The following ZMIZ2 variants were observed in gnomAD, a reference collection of about 807,000 sequenced individuals.
ZMIZ2 encodes zinc finger MIZ-type containing 2.
In ZMIZ2, 26 loss-of-function variants were observed where a neutral mutation model predicts 93.9. The ratio of observed to expected loss-of-function variants is 0.28; its 90% CI spans 0.20 to 0.38. The LOEUF is 0.38. Ranked by LOEUF, ZMIZ2 falls within the 10% of genes least tolerant of loss-of-function variation. The pLI is 1.00. For missense variants in ZMIZ2, 1,023 were observed against 1,235.0 expected, an observed-to-expected ratio of 0.83 and a Z score of 2.57; for synonymous variants, 485 against 516.4, an observed-to-expected ratio of 0.94 and a Z score of 0.82.
At chr7:44,756,345 G>T in intron 2 of ZMIZ2, 46 bp downstream of exon 2, 1 of 1,613,972 alleles carries the variant, frequency 6.2e-7, no homozygotes, top group Non-Finnish European at 8.5e-7. Flanking sequence ...TGGGGTTGGG[G>T]GTGGCATTTC....
intron 11 of ZMIZ2, among the ~76,000 whole-genome samples, chr7:44,762,591 T>G (rs1035642639): frequency 6.6e-6 from 1 of 152,204 alleles, no homozygotes; most frequent in African/African-American, 2.4e-5. Flanking sequence ...GTGATTCTCT[T>G]CATGGAGAAG....
intron 4 of ZMIZ2, 99 bp from the exon 5 acceptor site, chr7:44,757,279 G>A: frequency 1.8e-5 from 28 of 1,522,906 alleles, no homozygotes; most frequent in Non-Finnish European, 2.5e-5. Flanking sequence ...GGTCTAGAAA[G>A]AATGGGCTCC....
At chr7:44,757,801 C>T in intron 5 of ZMIZ2, 47 bp from the exon 6 acceptor site, 1 of 1,512,096 alleles carries the variant, frequency 6.6e-7, no homozygotes, top group Non-Finnish European at 8.8e-7. Flanking sequence ...TCTTTTGGAG[C>T]CCTTTGTGGG....
intron 11 of ZMIZ2, 136 bp downstream of exon 11, chr7:44,762,041 C>A: frequency 1.7e-6 from 2 of 1,177,412 alleles, no homozygotes; most frequent in Non-Finnish European, 2.2e-6. Context: ...GGAGCCAGGA[C>A]ATGGGCGGGC....
intron 1 of ZMIZ2, among the ~76,000 whole-genome samples, chr7:44,752,521 T>C (rs1449707252): frequency 6.6e-6 from 1 of 152,212 alleles, no homozygotes; most frequent in Non-Finnish European, 1.5e-5. Flanking sequence ...CCTTTCTCTT[T>C]ACCCCCACAT....
chr7:44,760,042 C>T, intron 7 of ZMIZ2, 109 bp from the exon 8 acceptor site: 1 of 1,098,586 alleles, frequency 9.1e-7, no homozygotes, highest in Non-Finnish European at 1.4e-6. Context: ...TTGGAAAATA[C>T]AAGAGAGTGT....
chr7:44,761,312 GCAGTGCCTGA>G lies in ZMIZ2; in HGVS notation c.1241-133_1241-124del, dbSNP rs1791151394. On this transcript the variant is annotated intron_variant, in intron 9 of 18. Coordinates refer to ENST00000309315, the MANE Select transcript of ZMIZ2 (RefSeq NM_031449.4). The surrounding 1 kb of genome is among the most constrained non-coding windows in gnomAD (Gnocchi z 5.8). ...CCAGGGCACCACTCAGGCCTGCCAA[GCAGTGCCTGA>G]CAGGAGGGGCTCCCTTCACCAAGGT... The G allele has an allele frequency of 3.6e-6, 5 of 1,389,620 alleles. No homozygotes were observed. The highest frequency in any genetic ancestry group is 2.5e-4 in the Middle Eastern group (1 of 4,044). The allele number at this position is 1,389,620 out of a possible 1,614,324, so 86.1% of individuals were successfully genotyped here.
chr7:44,749,058 A>G (rs6962280), intron 1 of ZMIZ2, 67 bp downstream of exon 1: 90,631 of 152,302 alleles, frequency 0.6, 27,539 homozygotes, highest in East Asian at 0.81. Flanking sequence ...CGGCGGGGGC[A>G]GGCAGGTGCG....
rs773339056 is a variant in ZMIZ2, at chr7:44,763,374, C to T, written c.1821C>T (p.Ile607=). The change falls in exon 13 of 19, where the codon ATC becomes ATT. Residue 607 remains isoleucine, a synonymous_variant. Coordinates refer to ENST00000309315, the MANE Select transcript of ZMIZ2 (RefSeq NM_031449.4). This position sits in a 1 kb window ranked among gnomAD's most constrained non-coding sequence, Gnocchi z 5.6. ...SLKCPITFRR[I]QLPARGHDCR... is the part of the protein sequence containing the mutation. ...AGTGCCCCATCACCTTCCGCAGGAT[C>T]CAGCTCCCTGCCCGAGGTCATGACT... 2 of 1,614,130 alleles carry T rather than the reference C, an allele frequency of 1.2e-6. No homozygotes were observed. The highest frequency in any genetic ancestry group is 2.2e-5 in the East Asian group (1 of 44,884).
In ZMIZ2 at chr7:44,761,785, T is replaced by C; in HGVS notation, c.1476T>C (p.Asn492=). 6.2e-7 allele frequency: 1 copy of C among 1,613,742 alleles called. No individual in the cohort carries two copies. The highest frequency in any genetic ancestry group is 8.5e-7 in the Non-Finnish European group (1 of 1,179,932). ...NWPASVQVSV[N]ATPLTIERGD... The stretch of plus-strand genomic sequence containing the variant: ...CAGCCTCGGTGCAGGTCAGCGTCAA[T>C]GCCACGCCGCTCACCATCGAGCGTG... Residue 492 remains asparagine (N), a synonymous_variant, in exon 11 of 19, where the codon AAT becomes AAC. Transcript: ENST00000309315. The surrounding 1 kb of genome is among the most constrained non-coding windows in gnomAD (Gnocchi z 5.8).
rs747772557 is a variant in ZMIZ2 at position 44,766,243 on chromosome 7, C to A, written c.2322C>A (p.Phe774Leu). Residue 774 changes from phenylalanine (F) to leucine (L), a missense_variant, in exon 17 of 19, where the codon TTC (phenylalanine) becomes TTA (leucine). By Grantham distance (22) the Phe-to-Leu change is conservative (BLOSUM62 0). Transcript: ENST00000309315. The surrounding 1 kb of genome is among the most constrained non-coding windows in gnomAD (Gnocchi z 4.4). ...TTPSTPTLAEFTPGPPPISYQ... is the reference protein window; with the variant it reads ...TTPSTPTLAELTPGPPPISYQ... Reference sequence around the variant, plus strand: ...CCAGCACCCCAACCCTTGCTGAGTTCACCCCGGGACCACCCCCCATCTCCT... The same window carrying A: ...CCAGCACCCCAACCCTTGCTGAGTTAACCCCGGGACCACCCCCCATCTCCT... 1.4e-6 allele frequency: 2 copies of A among 1,389,176 alleles called. No individual in the cohort carries two copies. Among genetic ancestry groups the A allele is most frequent in the African/African-American group, 2.9e-5 (2 of 68,124 alleles). The allele number at this position is 1,389,176 out of a possible 1,614,324, so 86.1% of individuals were successfully genotyped here.
Position 44,757,144 on chromosome 7 carries a change from C to T in ZMIZ2, c.363C>T (p.Thr121=), listed in dbSNP as rs1256277126. The T allele has an allele frequency of 6.3e-7, 1 of 1,596,318 alleles. No homozygotes were observed. Among genetic ancestry groups the T allele is most frequent in the Non-Finnish European group, 8.5e-7 (1 of 1,176,354 alleles). The change falls in exon 4 of 19, where the codon ACC becomes ACT. Residue 121 remains threonine (T), a synonymous_variant. Transcript: ENST00000309315. The part of the protein sequence containing the change: ...RGGYPGAPGF[T]TGYAGGPGGL... ...GCTACCCTGGGGCCCCCGGCTTCAC[C>T]ACCGGGTAAGCAAGTTCCCTCACCT... is the stretch of plus-strand genomic sequence containing the variant.
Position 44,761,614 on chromosome 7 carries a change from A to G in ZMIZ2, c.1385+21A>G. 6.2e-7 allele frequency: 1 copy of G among 1,613,244 alleles called. No individual in the cohort carries two copies. Among genetic ancestry groups the G allele is most frequent in the Non-Finnish European group, 8.5e-7 (1 of 1,179,676 alleles). On this transcript the variant is annotated intron_variant, in intron 10 of 18. Coordinates refer to ENST00000309315, the MANE Select transcript of ZMIZ2 (RefSeq NM_031449.4). The surrounding 1 kb of genome is among the most constrained non-coding windows in gnomAD (Gnocchi z 5.8). ...ATGAGGTGAGCTCCGCCTGGCCCCC[A>G]CCTGACCCCCACGAGGCTCTGTTCC...
chr7:44,756,821 ATACCCTGTCCCCC>A, intron 3 of ZMIZ2, 113 bp from the exon 4 acceptor site: 1 of 1,170,224 alleles, frequency 8.5e-7, no homozygotes, highest in Non-Finnish European at 1.2e-6. Flanking sequence ...TTCCCGTGCT[ATACCCTGTCCCCC>A]CCACCTCTCC....
At chr7:44,751,537 C>G (rs1208151557) in intron 1 of ZMIZ2, among the ~76,000 whole-genome samples, 1 of 152,270 alleles carries the variant, frequency 6.6e-6, no homozygotes, top group East Asian at 1.9e-4. Flanking sequence ...GATTCCCTCT[C>G]TGTTCTTGGG....
intron 5 of ZMIZ2, 102 bp downstream of exon 5, chr7:44,757,663 C>T: frequency 6.8e-7 from 1 of 1,465,030 alleles, no homozygotes; most frequent in Admixed American, 2.6e-5. Context: ...ATGGAATATG[C>T]CAGGGCTCAT....
rs199842392 is a variant in ZMIZ2, at chr7:44,766,560, C to T, written c.2552C>T (p.Ala851Val). 8.6e-4 allele frequency: 1,394 copies of T among 1,613,920 alleles called. 15 individuals are homozygous for T. The Admixed American group carries it at 0.019, about 22-fold the overall frequency. Residue 851 changes from alanine (A) to valine (V), a missense_variant, in exon 18 of 19, where the codon GCG becomes GTG. This residue lies in a region of ZMIZ2 where 319 missense variants were observed against 358.8 expected (regional missense o/e 0.89). Transcript: ENST00000309315. This position sits in a 1 kb window ranked among gnomAD's most constrained non-coding sequence, Gnocchi z 4.4. ...PPASRQSLGQASLGPTGELAF... is the reference protein window; with the variant it reads ...PPASRQSLGQVSLGPTGELAF... Reference sequence around the variant, plus strand: ...GCGTCCCGGCAGTCCTTGGGCCAAGCGAGCTTAGGACCTACGGGTGAACTG... The same window carrying T: ...GCGTCCCGGCAGTCCTTGGGCCAAGTGAGCTTAGGACCTACGGGTGAACTG...
chr7:44,767,612 G>A lies in ZMIZ2; in HGVS notation c.2752G>A (p.Glu918Lys). 6.2e-7 allele frequency: 1 copy of A among 1,614,066 alleles called. No individual in the cohort carries two copies. Among genetic ancestry groups the A allele is most frequent in the Non-Finnish European group, 8.5e-7 (1 of 1,179,950 alleles). The change falls in exon 19 of 19, where the codon GAG becomes AAG. Residue 918 changes from glutamate (E) to lysine (K), a missense_variant. By Grantham distance (56) the Glu-to-Lys change is moderately conservative. Transcript: ENST00000309315. ...NNNDDLLSLF[E>K]NN ...CAATGACGACCTGCTTTCTCTGTTTGAGAACAACTGATCCTGTGTTTACCC... is the reference window on the plus strand; with the variant it reads ...CAATGACGACCTGCTTTCTCTGTTTAAGAACAACTGATCCTGTGTTTACCC...
At chr7:44,767,436 C>A in intron 18 of ZMIZ2, 80 bp from the exon 19 acceptor site, 1 of 1,209,708 alleles carries the variant, frequency 8.3e-7, no homozygotes, top group Non-Finnish European at 1.2e-6. Flanking sequence ...GAGACAGGGC[C>A]GGGATGTGGT....
Sources: gnomAD v4.1 joint callset for allele counts (sites outside exome capture counted in the v4.1 genomes callset) on GRCh38, gnomAD v4.1.1 for gene constraint, gnomAD v4.1.1 regional missense constraint, Gnocchi (gnomAD v3.1) non-coding constraint, MANE v1.5 for transcripts, NCBI Gene and HGNC (gene_info 2026-07-23, HGNC 2026-07-21) for gene names.